The following KCNMA1 variants were observed in gnomAD, a reference collection of about 807,000 sequenced individuals.
KCNMA1 encodes Calcium-activated potassium channel subunit alpha-1.
Under a neutral mutation model 140.0 loss-of-function variants are expected in KCNMA1, and 29 were observed. The observed-to-expected ratio is 0.21, with a 90% CI of 0.15 to 0.28. The LOEUF is 0.28. Ranked by LOEUF, KCNMA1 falls within the 10% of genes least tolerant of loss-of-function variation. The pLI, the probability that KCNMA1 is intolerant of heterozygous loss-of-function variation, is 1.00. For missense variants in KCNMA1, 880 were observed against 1,602.2 expected (o/e 0.55, Z 7.70); for synonymous variants, 612 against 611.9 (o/e 1.00, Z 0.00).
chr10:77,391,744 C>T (rs1291308767), intron 2 of KCNMA1, among the ~76,000 whole-genome samples: 1 of 151,938 alleles, frequency 6.6e-6, no homozygotes, highest in Non-Finnish European at 1.5e-5. Context: ...ACGAGTCAGT[C>T]TGCCTCCTCC....
chr10:76,970,210 C>T (rs932328088), intron 19 of KCNMA1, 143 bp from the exon 20 acceptor site: 29 of 719,588 alleles, frequency 4.0e-5, no homozygotes, highest in Non-Finnish European at 6.3e-5. Flanking sequence ...ATGACAAAGA[C>T]CAAATGTGTT....
At chr10:77,114,003 C>T (rs1351205201) in intron 6 of KCNMA1, among the ~76,000 whole-genome samples, 1 of 152,256 alleles carries the variant, frequency 6.6e-6, no homozygotes, top group Non-Finnish European at 1.5e-5. Flanking sequence ...AGAATCTCTT[C>T]GGGGATGGCA....
At chr10:77,513,849 G>T (rs113305041) in intron 1 of KCNMA1, among the ~76,000 whole-genome samples, 1 of 152,118 alleles carries the variant, frequency 6.6e-6, no homozygotes, top group Admixed American at 6.5e-5. Context: ...CCTTGGTGCC[G>T]GCCTGGGAGG....
intron 2 of KCNMA1, among the ~76,000 whole-genome samples, chr10:77,282,436 T>C (rs2068987507): frequency 2.0e-5 from 3 of 152,206 alleles, no homozygotes; most frequent in Admixed American, 1.3e-4. Flanking sequence ...AGGATGACTC[T>C]TATTCTTCCT....
intron 2 of KCNMA1, among the ~76,000 whole-genome samples, chr10:77,382,994 GTATATATATATATA>G (rs544257955): frequency 1.7e-4 from 8 of 46,434 alleles, no homozygotes; most frequent in African/African-American, 4.8e-4. Context: ...GTGTGTGTGT[GTATATATATATATA>G]TATATATATA....
intron 19 of KCNMA1, among the ~76,000 whole-genome samples, chr10:76,993,488 CTG>C (rs1314649775): frequency 6.6e-6 from 1 of 152,220 alleles, no homozygotes; most frequent in African/African-American, 2.4e-5. Flanking sequence ...CTTTTAAAGA[CTG>C]TAACTTCTTG....
At chr10:77,189,563 A>G (rs1438472896) in intron 3 of KCNMA1, among the ~76,000 whole-genome samples, 1 of 152,178 alleles carries the variant, frequency 6.6e-6, no homozygotes, top group Non-Finnish European at 1.5e-5. Context: ...ACCATCATTT[A>G]CAAGGGATAA....
At chr10:76,908,319 A>T (rs2048632574) in intron 25 of KCNMA1, among the ~76,000 whole-genome samples, 2 of 152,208 alleles carry the variant, frequency 1.3e-5, no homozygotes, top group Non-Finnish European at 2.9e-5. Flanking sequence ...CATAAGAAAG[A>T]TCATGAGCCC....
chr10:77,431,048 C>T (rs534342528), intron 1 of KCNMA1, among the ~76,000 whole-genome samples: 7 of 152,318 alleles, frequency 4.6e-5, no homozygotes, highest in African/African-American at 1.4e-4. Flanking sequence ...GGCAGCTCCC[C>T]GCTTCCCTGA....
intron 1 of KCNMA1, among the ~76,000 whole-genome samples, chr10:77,466,571 C>T (rs1297569575): frequency 6.6e-6 from 1 of 152,178 alleles, no homozygotes; most frequent in African/African-American, 2.4e-5. Flanking sequence ...CTACATATTA[C>T]ATATATGTTA....
At chr10:77,283,366 C>T (rs1226599190) in intron 2 of KCNMA1, among the ~76,000 whole-genome samples, 2 of 152,330 alleles carry the variant, frequency 1.3e-5, no homozygotes, top group East Asian at 3.9e-4. Flanking sequence ...GGTTTCATTT[C>T]AAGATCAGTC....
At chr10:77,097,011 A>C (rs1445794629) in intron 9 of KCNMA1, among the ~76,000 whole-genome samples, 3 of 152,190 alleles carry the variant, frequency 2.0e-5, no homozygotes, top group Non-Finnish European at 2.9e-5. Flanking sequence ...CCAACGACCT[A>C]AACCACACAG....
intron 3 of KCNMA1, among the ~76,000 whole-genome samples, chr10:77,206,563 C>G (rs1014782008): frequency 1.3e-5 from 2 of 152,064 alleles, no homozygotes; most frequent in Non-Finnish European, 2.9e-5. Flanking sequence ...TCCTACCACC[C>G]GTATTACTCT....
intron 12 of KCNMA1, among the ~76,000 whole-genome samples, chr10:77,083,108 G>A (rs868647181): frequency 1.3e-4 from 20 of 152,122 alleles, no homozygotes; most frequent in African/African-American, 4.6e-4. Flanking sequence ...CCTTCGGCCC[G>A]AAAGATGGCT....
chr10:77,325,938 TG>T (rs2084004479), intron 2 of KCNMA1, among the ~76,000 whole-genome samples: 1 of 152,158 alleles, frequency 6.6e-6, no homozygotes, highest in South Asian at 2.1e-4. Context: ...TGAACTCACA[TG>T]GTCCTTTGAG....
intron 1 of KCNMA1, among the ~76,000 whole-genome samples, chr10:77,509,933 T>C (rs1200803825): frequency 1.3e-5 from 2 of 151,980 alleles, no homozygotes; most frequent in Non-Finnish European, 1.5e-5. Flanking sequence ...CTATGGCAAG[T>C]GGAGTGCAAG....
intron 1 of KCNMA1, among the ~76,000 whole-genome samples, chr10:77,597,417 C>A (rs1281293183): frequency 6.6e-6 from 1 of 152,070 alleles, no homozygotes; most frequent in East Asian, 1.9e-4. Context: ...GTGATGGATA[C>A]CCCAAATTCC....
At chr10:77,582,792 G>A (rs192715583) in intron 1 of KCNMA1, among the ~76,000 whole-genome samples, 1 of 152,306 alleles carries the variant, frequency 6.6e-6, no homozygotes, top group Admixed American at 6.5e-5. Flanking sequence ...CTTGGCAGAC[G>A]CTCAGGTGTT....
At chr10:77,425,505 C>A (rs1046086090) in intron 1 of KCNMA1, among the ~76,000 whole-genome samples, 6 of 152,112 alleles carry the variant, frequency 3.9e-5, no homozygotes, top group African/African-American at 1.4e-4. Context: ...CCATGGCATG[C>A]AGCTGAGGGG....
Sources: gnomAD v4.1 joint callset for allele counts (sites outside exome capture counted in the v4.1 genomes callset) on GRCh38, gnomAD v4.1.1 for gene constraint, MANE v1.5 for transcripts, NCBI Gene and HGNC (gene_info 2026-07-23, HGNC 2026-07-21) for gene names.